Variants in PARN observed in about 807,000 individuals in gnomAD.
The protein encoded by PARN is poly(A)-specific ribonuclease, also known as poly(A)-specific ribonuclease PARN.
PARN carries 71 observed loss-of-function variants against 102.8 expected under a neutral mutation model. That is an observed-to-expected ratio of 0.69 (90% confidence interval 0.57 to 0.84). The LOEUF (loss-of-function observed/expected upper bound fraction) is 0.84. Ranked by LOEUF, PARN falls within the 40% of genes least tolerant of loss-of-function variation. PARN has a pLI of 0.00. For missense variants in PARN, 782 were observed against 760.9 expected (o/e 1.03, Z -0.33); for synonymous variants, 261 against 252.9 (o/e 1.03, Z -0.30).
chr16:14,618,243 T>C (rs1972050476), intron 5 of PARN, among the ~76,000 whole-genome samples: 1 of 152,060 alleles, frequency 6.6e-6, no homozygotes, highest in Non-Finnish European at 1.5e-5. Context: ...ATCCCAGCAC[T>C]TTGGGAGGCC....
In PARN at chr16:14,610,758, T is replaced by A. The variant is rs1429091997; in HGVS notation, c.440A>T (p.Asp147Val). The stretch of plus-strand genomic sequence containing the variant: ...ACCATTCGCCTGTGAACGTTTTTCA[T>A]CATACTGCTCTCTTAACTGTCTTTC... The part of the protein sequence containing the change: ...EEERQLREQY[D>V]EKRSQANGAG... The change falls in exon 7 of 24, where the codon GAT becomes GTT. Residue 147 changes from aspartate (D) to valine (V), a missense_variant. Asp to Val is a radical substitution (Grantham distance 152, BLOSUM62 -3). Transcript: ENST00000437198. The A allele has an allele frequency of 1.2e-6, 2 of 1,611,282 alleles. No homozygotes were observed. The highest frequency in any genetic ancestry group is 8.5e-7 in the Non-Finnish European group (1 of 1,177,446).
chr16:14,461,626 T>C (rs1335834237), intron 22 of PARN, among the ~76,000 whole-genome samples: 1 of 152,248 alleles, frequency 6.6e-6, no homozygotes, highest in Non-Finnish European at 1.5e-5. Flanking sequence ...CTTCGTTAAG[T>C]TCCTCTGGCT....
At chr16:14,475,985 T>A (rs1387275996) in intron 22 of PARN, among the ~76,000 whole-genome samples, 1 of 152,176 alleles carries the variant, frequency 6.6e-6, no homozygotes, top group African/African-American at 2.4e-5. Context: ...AGGGAGTAAT[T>A]GGAAATATAC....
intron 22 of PARN, among the ~76,000 whole-genome samples, chr16:14,473,765 TAGC>T (rs554692803): frequency 2.2e-4 from 34 of 152,246 alleles, no homozygotes; most frequent in Non-Finnish European, 4.6e-4. Context: ...CATTTTGAAA[TAGC>T]AGTGGACAGT....
chr16:14,472,101 C>A (rs914379205), intron 22 of PARN, among the ~76,000 whole-genome samples: 1 of 152,170 alleles, frequency 6.6e-6, no homozygotes, highest in South Asian at 2.1e-4. Context: ...TACATTCATT[C>A]GTCTTTCCTG....
Position 14,613,031 on chromosome 16 carries a change from G to A in PARN, c.389-2222C>T, listed in dbSNP as rs117097781. Reference sequence around the variant, plus strand: ...GGGTGGTATTAAAATCCATGGGGACGGGGCGCGGTGGCTCACGCCTGTAAT... The same window carrying A: ...GGGTGGTATTAAAATCCATGGGGACAGGGCGCGGTGGCTCACGCCTGTAAT... On this transcript the variant is annotated intron_variant, in intron 6 of 23. Transcript: ENST00000437198. Among the ~76,000 whole-genome samples the A allele has an allele frequency of 8.0e-3, 1,213 of 151,976 alleles. 40 individuals carry two copies. The East Asian group carries it at 0.1, about 13-fold the overall frequency.
chr16:14,617,632 G>T lies in PARN; in HGVS notation c.346C>A (p.Leu116Ile). The T allele has an allele frequency of 6.3e-7, 1 of 1,596,554 alleles. No individual in the cohort carries two copies. Among genetic ancestry groups the T allele is most frequent in the Non-Finnish European group, 8.6e-7 (1 of 1,164,068 alleles). ...FVCQSSSIDF[L>I]ASQGFDFNKV... ...TTAAAATCAAATCCCTGGCTTGCTAGAAAGTCAATGCTGGAGCTCTGAAAC... is the reference window on the plus strand; with the variant it reads ...TTAAAATCAAATCCCTGGCTTGCTATAAAGTCAATGCTGGAGCTCTGAAAC... The change falls in exon 6 of 24, where the codon CTA becomes ATA. Residue 116 changes from leucine (L) to isoleucine (I), a missense_variant. By Grantham distance (5) the Leu-to-Ile change is conservative (BLOSUM62 2). Coordinates refer to ENST00000437198, the MANE Select transcript of PARN (RefSeq NM_002582.4).
At chr16:14,557,493 G>A (rs1967765316) in intron 18 of PARN, among the ~76,000 whole-genome samples, 1 of 148,102 alleles carries the variant, frequency 6.8e-6, no homozygotes, top group African/African-American at 2.5e-5. Context: ...GGAGGCGGAG[G>A]TTGCAGTGAA....
At chr16:14,575,191 C>T (rs150827591) in intron 18 of PARN, among the ~76,000 whole-genome samples, 3 of 152,332 alleles carry the variant, frequency 2.0e-5, no homozygotes, top group Non-Finnish European at 4.4e-5. Context: ...AACCCCCACA[C>T]AGAGTCCCTA....
Position 14,575,587 on chromosome 16 carries a change from T to C in PARN, c.1262+5287A>G, listed in dbSNP as rs558868042. On this transcript the variant is annotated intron_variant, in intron 18 of 23. Transcript: ENST00000437198. ...TATTTATCCATAGCCTGTACCCCCA[T>C]TGTATCTAGGAAGTAACTAACTTGC... Among the ~76,000 whole-genome samples, 22 of 152,296 alleles carry C rather than the reference T, an allele frequency of 1.4e-4. No individual in the cohort carries two copies. The East Asian group carries it at 1.5e-3, about 11-fold the overall frequency.
At chr16:14,599,654 G>A (rs1468952303) in intron 12 of PARN, among the ~76,000 whole-genome samples, 3 of 152,004 alleles carry the variant, frequency 2.0e-5, no homozygotes, top group Non-Finnish European at 4.4e-5. Flanking sequence ...GCCATATAAG[G>A]ACAACATAGT....
At chr16:14,618,161 T>C (rs942563995) in intron 5 of PARN, among the ~76,000 whole-genome samples, 1 of 152,008 alleles carries the variant, frequency 6.6e-6, no homozygotes, top group Admixed American at 6.6e-5. Context: ...CTGGTCAACA[T>C]GGTGAAACCC....
intron 18 of PARN, among the ~76,000 whole-genome samples, chr16:14,574,799 A>G (rs1400368234): frequency 6.6e-6 from 1 of 152,208 alleles, no homozygotes; most frequent in Non-Finnish European, 1.5e-5. Flanking sequence ...GCCAAAGACA[A>G]TGGGGAAAAT....
chr16:14,500,774 C>T (rs571867592), intron 21 of PARN, among the ~76,000 whole-genome samples: 2 of 152,166 alleles, frequency 1.3e-5, no homozygotes, highest in Non-Finnish European at 2.9e-5. Context: ...AAGCAGCTTT[C>T]ATGGAACCCA....
At chr16:14,603,498 C>T (rs1971000822) in intron 11 of PARN, among the ~76,000 whole-genome samples, 1 of 152,034 alleles carries the variant, frequency 6.6e-6, no homozygotes. Flanking sequence ...TGCAGTCTAC[C>T]CCGTTGTGCA....
chr16:14,520,107 T>C (rs979258896), intron 21 of PARN, among the ~76,000 whole-genome samples: 3 of 152,302 alleles, frequency 2.0e-5, no homozygotes, highest in African/African-American at 7.2e-5. Flanking sequence ...CAAAAGAATA[T>C]ATAAAACAAC....
chr16:14,541,562 G>C (rs1259006196), intron 21 of PARN, among the ~76,000 whole-genome samples: 1 of 150,332 alleles, frequency 6.7e-6, no homozygotes, highest in African/African-American at 2.4e-5. Context: ...TGCAACCTCT[G>C]CCTCCTGGGT....
chr16:14,498,472 A>G (rs151205843), intron 21 of PARN, among the ~76,000 whole-genome samples: 33 of 152,254 alleles, frequency 2.2e-4, no homozygotes, highest in Non-Finnish European at 4.6e-4. Flanking sequence ...CGCTATGAAC[A>G]TGAGTCCTCT....
intron 6 of PARN, among the ~76,000 whole-genome samples, chr16:14,617,078 A>T (rs1195864803): frequency 3.5e-5 from 5 of 142,830 alleles, no homozygotes; most frequent in African/African-American, 5.2e-5. Context: ...TTTTTTTTTA[A>T]AAAAAAAAAA....
Sources: gnomAD v4.1 joint callset for allele counts (sites outside exome capture counted in the v4.1 genomes callset) on GRCh38, gnomAD v4.1.1 for gene constraint, MANE v1.5 for transcripts, NCBI Gene and HGNC (gene_info 2026-07-23, HGNC 2026-07-21) for gene names.